Variants in CCDC122 observed in about 807,000 individuals in gnomAD.
The protein encoded by CCDC122 is coiled-coil domain-containing protein 122.
A neutral mutation model predicts 37.0 loss-of-function variants in CCDC122; 38 were observed. The observed-to-expected ratio is 1.03, with a 90% CI of 0.79 to 1.35. The LOEUF (loss-of-function observed/expected upper bound fraction) is 1.35. CCDC122 is among the 40% of genes most tolerant of loss of function. CCDC122 has a pLI of 0.00. For missense variants in CCDC122, 305 were observed against 310.0 expected (o/e 0.98, Z 0.12); for synonymous variants, 83 against 95.6 (o/e 0.87, Z 0.77).
intron 4 of CCDC122, among the ~76,000 whole-genome samples, chr13:43,862,708 C>CA (rs1249513504): frequency 6.6e-6 from 1 of 152,072 alleles, no homozygotes. Context: ...GACTGATGCA[C>CA]AACCAATGGT....
chr13:43,876,829 A>C (rs549582705), intron 1 of CCDC122, among the ~76,000 whole-genome samples: 1 of 152,200 alleles, frequency 6.6e-6, no homozygotes, highest in Non-Finnish European at 1.5e-5. Flanking sequence ...AAAAGATTAT[A>C]AAATATAGCG....
chr13:43,842,265 G>T (rs575689182), intron 6 of CCDC122, among the ~76,000 whole-genome samples: 1 of 152,000 alleles, frequency 6.6e-6, no homozygotes, highest in African/African-American at 2.4e-5. Context: ...TTTCCTCACC[G>T]ATATCCAGTT....
rs776543333 is a variant in CCDC122, at chr13:43,859,865, T to C, written c.362A>G (p.His121Arg). 1.9e-6 allele frequency: 3 copies of C among 1,605,412 alleles called. No individual in the cohort carries two copies. The highest frequency in any genetic ancestry group is 2.2e-5 in the East Asian group (1 of 44,592). The part of the protein sequence containing the change: ...IETAQEDFEE[H>R]MIKYNAYYAK... ...ATAATATGCATTATATTTTATCATG[T>C]GTTCCTCAAAATCTTCTTGGGCTGT... Residue 121 changes from histidine (H) to arginine (R), a missense_variant, in exon 5 of 7, where the codon CAC becomes CGC. Physicochemically the swap from His to Arg is conservative, Grantham distance 29. Coordinates refer to ENST00000444614, the MANE Select transcript of CCDC122 (RefSeq NM_144974.5).
chr13:43,837,132 TAA>T lies in CCDC122; in HGVS notation c.*146_*147del. 1 of 725,790 alleles carries T rather than the reference TAA, an allele frequency of 1.4e-6. No homozygotes were observed. The highest frequency in any genetic ancestry group is 2.2e-6 in the Non-Finnish European group (1 of 453,832). The allele number at this position is 725,790 out of a possible 1,614,324, so 45.0% of individuals were successfully genotyped here. ...CATTTTAACAAATCGATGACTGATTTAAAAAAAACAACAACCGAAGACATCTG... is the reference window on the plus strand; with the variant it reads ...CATTTTAACAAATCGATGACTGATTTAAAAAACAACAACCGAAGACATCTG... On this transcript the variant is annotated 3_prime_UTR_variant, in exon 7 of 7. Transcript: ENST00000444614.
In CCDC122 at chr13:43,859,976, T is replaced by C; in HGVS notation, c.251A>G (p.Glu84Gly). 6.2e-7 allele frequency: 1 copy of C among 1,601,746 alleles called. No individual in the cohort carries two copies. The highest frequency in any genetic ancestry group is 8.5e-7 in the Non-Finnish European group (1 of 1,174,046). The change falls in exon 5 of 7, where the codon GAG (glutamate) becomes GGG (glycine). Residue 84 changes from glutamate to glycine, a missense_variant. By Grantham distance (98) the Glu-to-Gly change is moderately conservative. Transcript: ENST00000444614. ...GCTATCACAATGAAGTTTGGTATTC[T>C]CTATGGCAGAATCTTGTTGATAAAT... is the stretch of plus-strand genomic sequence containing the variant. Reference protein sequence around the residue: ...RQIYQQDSAIENTKLHCDSLE... With the variant: ...RQIYQQDSAIGNTKLHCDSLE...
At chr13:43,827,547 A>T (rs1953050867) in intron 3 of CCDC122, among the ~76,000 whole-genome samples, 1 of 152,194 alleles carries the variant, frequency 6.6e-6, no homozygotes, top group African/African-American at 2.4e-5. Context: ...GGTACAGTTG[A>T]CCCTCGAATA....
intron 6 of CCDC122, chr13:43,854,105 C>A (rs1953830077): frequency 6.6e-6 from 1 of 151,738 alleles, no homozygotes; most frequent in Non-Finnish European, 1.5e-5. Context: ...AAACCAAGCC[C>A]AAAGCTAGTA....
In CCDC122 at chr13:43,858,869, A is replaced by G. The variant is rs751519947; in HGVS notation, c.584T>C (p.Ile195Thr). The G allele has an allele frequency of 1.4e-6, 2 of 1,407,088 alleles. No individual in the cohort carries two copies. Among genetic ancestry groups the G allele is most frequent in the South Asian group, 2.8e-5 (2 of 71,354 alleles). The allele number at this position is 1,407,088 out of a possible 1,614,324, so 87.2% of individuals were successfully genotyped here. Residue 195 changes from isoleucine (I) to threonine (T), a missense_variant, in exon 6 of 7, where the codon ATT becomes ACT. Coordinates refer to ENST00000444614, the MANE Select transcript of CCDC122 (RefSeq NM_144974.5). ...QEDITNLKDKIITVKESIIEK... is the reference protein window; with the variant it reads ...QEDITNLKDKTITVKESIIEK... ...AATGATAGATTCTTTTACAGTTATAATTTTATCCTTTAAGTTTGTAATGTC... is the reference window on the plus strand; with the variant it reads ...AATGATAGATTCTTTTACAGTTATAGTTTTATCCTTTAAGTTTGTAATGTC...
At chr13:43,852,357 G>C (rs1044540985) in intron 6 of CCDC122, among the ~76,000 whole-genome samples, 3 of 151,906 alleles carry the variant, frequency 2.0e-5, no homozygotes, top group African/African-American at 4.8e-5. Context: ...ATTAATAGCA[G>C]AATAGACCAA....
At chr13:43,838,528 C>T (rs1480890106) in intron 6 of CCDC122, among the ~76,000 whole-genome samples, 1 of 152,072 alleles carries the variant, frequency 6.6e-6, no homozygotes, top group Non-Finnish European at 1.5e-5. Flanking sequence ...CCATATAATC[C>T]ATCCTTTAAA....
chr13:43,871,242 C>T (rs1383546212), intron 2 of CCDC122, among the ~76,000 whole-genome samples: 1 of 152,030 alleles, frequency 6.6e-6, no homozygotes, highest in Non-Finnish European at 1.5e-5. Context: ...ATTTCTTCTT[C>T]GAGAAACTAT....
At chr13:43,865,754 C>G (rs975882806) in intron 4 of CCDC122, among the ~76,000 whole-genome samples, 1 of 152,148 alleles carries the variant, frequency 6.6e-6, no homozygotes, top group East Asian at 1.9e-4. Context: ...TGAGCCACCA[C>G]GCCCAGCCAG....
chr13:43,840,395 ATACTTT>A (rs1027811039), intron 6 of CCDC122, among the ~76,000 whole-genome samples: 23 of 152,134 alleles, frequency 1.5e-4, no homozygotes, highest in Non-Finnish European at 2.1e-4. Context: ...ATTTTTTACT[ATACTTT>A]AAGTTTTAGG....
At chr13:43,869,282 T>G (rs779766946) in intron 3 of CCDC122, 49 bp downstream of exon 3, 2 of 1,401,364 alleles carry the variant, frequency 1.4e-6, no homozygotes, top group Non-Finnish European at 2.0e-6. Flanking sequence ...ACTACTTTTT[T>G]GTTGTTGCTG....
downstream of CCDC122, among the ~76,000 whole-genome samples, chr13:43,833,790 T>C (rs1953112862): frequency 1.3e-5 from 2 of 152,070 alleles, no homozygotes; most frequent in African/African-American, 4.8e-5. Context: ...GTCCACCAGG[T>C]ACTTAGAACA....
Position 43,870,590 on chromosome 13 carries a change from T to A in CCDC122, c.-113-1101A>T, listed in dbSNP as rs1228660969. Among the ~76,000 whole-genome samples the A allele has an allele frequency of 2.0e-5, 3 of 152,120 alleles. No individual in the cohort carries two copies. The East Asian group carries it at 5.8e-4, about 29-fold the overall frequency. ...TTGTGCTAGTCACTGTTGTTCCAAGTGCTTTAGATTAAAAAAAAATTATAT... is the reference window on the plus strand; with the variant it reads ...TTGTGCTAGTCACTGTTGTTCCAAGAGCTTTAGATTAAAAAAAAATTATAT... On this transcript the variant is annotated intron_variant, in intron 2 of 6. Transcript: ENST00000444614.
intron 6 of CCDC122, among the ~76,000 whole-genome samples, chr13:43,846,880 A>G (rs1953555743): frequency 6.6e-6 from 1 of 150,556 alleles, no homozygotes; most frequent in Admixed American, 6.7e-5. Context: ...TCCACAAGAC[A>G]GTATAAAATT....
At chr13:43,866,118 G>A (rs1954268796) in intron 4 of CCDC122, among the ~76,000 whole-genome samples, 1 of 152,186 alleles carries the variant, frequency 6.6e-6, no homozygotes, top group Non-Finnish European at 1.5e-5. Flanking sequence ...GATGGAGCAG[G>A]ACAATGCGAG....
intron 4 of CCDC122, among the ~76,000 whole-genome samples, chr13:43,867,854 A>T (rs1350215002): frequency 1.3e-5 from 2 of 152,178 alleles, no homozygotes; most frequent in Non-Finnish European, 2.9e-5. Flanking sequence ...TATCACCATG[A>T]TAATACAATT....
Sources: allele counts gnomAD v4.1 joint callset (sites outside exome capture counted in the v4.1 genomes callset), GRCh38; gene constraint gnomAD v4.1.1; transcripts MANE v1.5; gene names NCBI Gene and HGNC (gene_info 2026-07-23, HGNC 2026-07-21).